Variants in HPSE2 observed in about 807,000 individuals in gnomAD.
The protein encoded by HPSE2 is heparanase 2 (inactive), also known as inactive heparanase-2.
HPSE2 carries 38 observed loss-of-function variants against 60.5 expected under a neutral mutation model. The ratio of observed to expected loss-of-function variants is 0.63; its 90% CI spans 0.48 to 0.82. HPSE2 has a LOEUF of 0.82. HPSE2 is among the 40% of genes least tolerant of loss of function. The pLI is 0.00. For synonymous variants in HPSE2, 295 were observed against 293.2 expected (o/e 1.01, Z -0.06); for missense variants, 713 against 740.4 (o/e 0.96, Z 0.43).
chr10:98,778,668 C>T (rs1314555282), intron 3 of HPSE2, among the ~76,000 whole-genome samples: 4 of 152,162 alleles, frequency 2.6e-5, no homozygotes, highest in Non-Finnish European at 4.4e-5. Context: ...CGAGGCAATG[C>T]ACACTTACAA....
intron 3 of HPSE2, among the ~76,000 whole-genome samples, chr10:99,096,761 G>C (rs1025881341): frequency 1.7e-4 from 26 of 151,594 alleles, no homozygotes; most frequent in Admixed American, 1.7e-3. Flanking sequence ...AAAGGTTTCC[G>C]CATACCCCTG....
chr10:98,503,835 T>A (rs1942106810), intron 9 of HPSE2, among the ~76,000 whole-genome samples: 1 of 152,190 alleles, frequency 6.6e-6, no homozygotes, highest in Non-Finnish European at 1.5e-5. Context: ...TAAGTATGGT[T>A]CAGTGGACTT....
At chr10:98,536,521 A>G (rs2133812763) in intron 9 of HPSE2, among the ~76,000 whole-genome samples, 1 of 152,322 alleles carries the variant, frequency 6.6e-6, no homozygotes, top group East Asian at 1.9e-4. Flanking sequence ...AGATAGGGAA[A>G]AAAGGGGAAG....
At chr10:98,629,155 G>A (rs950411605) in intron 7 of HPSE2, among the ~76,000 whole-genome samples, 1 of 152,174 alleles carries the variant, frequency 6.6e-6, no homozygotes, top group Non-Finnish European at 1.5e-5. Flanking sequence ...GAGAAAGGAA[G>A]CAATAAAACA....
chr10:99,290,588 G>A, the HPSE2 span, among the ~76,000 whole-genome samples: 1 of 129,816 alleles, frequency 7.7e-6, no homozygotes, highest in Non-Finnish European at 1.6e-5. Flanking sequence ...CAGACCAGGT[G>A]GTTCTTATGT....
the HPSE2 span, among the ~76,000 whole-genome samples, chr10:99,305,962 C>T: frequency 0.027 from 821 of 29,978 alleles, 13 homozygotes; most frequent in African/African-American, 0.044. Context: ...CTCACACACA[C>T]GCGCGCGCGC....
intron 9 of HPSE2, among the ~76,000 whole-genome samples, chr10:98,582,818 G>A (rs893063538): frequency 3.3e-5 from 5 of 152,040 alleles, no homozygotes; most frequent in African/African-American, 4.8e-5. Flanking sequence ...GTCTACAGTA[G>A]TGTAACCATC....
intron 3 of HPSE2, among the ~76,000 whole-genome samples, chr10:99,094,357 G>C (rs1458282125): frequency 1.3e-5 from 2 of 150,598 alleles, no homozygotes; most frequent in African/African-American, 4.9e-5. Flanking sequence ...TACTTAAAAA[G>C]GTTTATCTTC....
intron 3 of HPSE2, among the ~76,000 whole-genome samples, chr10:98,853,392 C>A (rs1342412387): frequency 6.6e-6 from 1 of 152,160 alleles, no homozygotes; most frequent in African/African-American, 2.4e-5. Context: ...GTTATAATCC[C>A]AGTTCTCCCA....
chr10:98,459,259 C>T lies in HPSE2; in HGVS notation c.*315G>A, dbSNP rs1940173727. The stretch of plus-strand genomic sequence containing the variant: ...AGGATCATGGGGAGTTGTCTGGAAA[C>T]ATTTCTCCTGGGAGTGTGCTGTCAG... On this transcript the variant is annotated 3_prime_UTR_variant, in exon 12 of 12. Coordinates refer to ENST00000370552, the MANE Select transcript of HPSE2 (RefSeq NM_021828.5). 2.6e-6 allele frequency: 1 copy of T among 383,692 alleles called. No homozygotes were observed. The highest frequency in any genetic ancestry group is 5.0e-6 in the Non-Finnish European group (1 of 201,352). 23.8% of individuals were successfully genotyped at this position (383,692 alleles called of 1,614,324 possible).
In HPSE2 at chr10:98,620,785, C is replaced by CT; in HGVS notation, c.1099-78dup. 7.3e-6 allele frequency: 7 copies of CT among 957,956 alleles called. No homozygotes were observed. The South Asian group carries it at 9.6e-5, about 13-fold the overall frequency. 59.3% of individuals were successfully genotyped at this position (957,956 alleles called of 1,614,324 possible). On this transcript the variant is annotated intron_variant, in intron 7 of 11. Transcript: ENST00000370552. ...CCACATGAGAAGAAACACACATTCCCTTAAGGAAGTTGATCTGATTTCCTG... is the reference window on the plus strand; with the variant it reads ...CCACATGAGAAGAAACACACATTCCCTTTAAGGAAGTTGATCTGATTTCCTG...
the HPSE2 span, among the ~76,000 whole-genome samples, chr10:99,298,407 C>A: frequency 6.6e-6 from 1 of 152,180 alleles, no homozygotes; most frequent in African/African-American, 2.4e-5. Context: ...TTGTAGTGAC[C>A]CTTACTAGAC....
At chr10:98,803,468 G>A (rs1405890786) in intron 3 of HPSE2, among the ~76,000 whole-genome samples, 4 of 151,450 alleles carry the variant, frequency 2.6e-5, no homozygotes, top group African/African-American at 7.3e-5. Context: ...TAACGTTTAA[G>A]TCTTTAATCC....
At chr10:98,568,784 T>C (rs1564975636) in intron 9 of HPSE2, among the ~76,000 whole-genome samples, 1 of 152,194 alleles carries the variant, frequency 6.6e-6, no homozygotes, top group African/African-American at 2.4e-5. Context: ...GACTTGAAGA[T>C]TAATGAGTCA....
At chr10:99,159,956 C>A (rs1846755873) in intron 2 of HPSE2, among the ~76,000 whole-genome samples, 1 of 151,976 alleles carries the variant, frequency 6.6e-6, no homozygotes, top group South Asian at 2.1e-4. Flanking sequence ...GCCTGGCCAA[C>A]ATGGTGAAAC....
the HPSE2 span, among the ~76,000 whole-genome samples, chr10:99,269,564 C>G: frequency 6.6e-5 from 10 of 152,126 alleles, no homozygotes; most frequent in Admixed American, 6.5e-4. Flanking sequence ...AGAAAGTCAA[C>G]AAAGAAACAA....
intron 3 of HPSE2, among the ~76,000 whole-genome samples, chr10:99,027,341 T>C (rs1957400524): frequency 6.7e-6 from 1 of 148,532 alleles, no homozygotes; most frequent in South Asian, 2.1e-4. Context: ...TATGAGTAAC[T>C]ATATACCAAT....
intron 4 of HPSE2, among the ~76,000 whole-genome samples, chr10:98,732,099 T>C (rs1024745287): frequency 2.0e-5 from 3 of 152,144 alleles, no homozygotes; most frequent in African/African-American, 4.8e-5. Context: ...ACAAAACTTA[T>C]ACACTGAAAA....
intron 3 of HPSE2, among the ~76,000 whole-genome samples, chr10:98,962,998 CTG>C (rs1432310283): frequency 6.6e-6 from 1 of 152,160 alleles, no homozygotes; most frequent in African/African-American, 2.4e-5. Flanking sequence ...AGCACATTCT[CTG>C]TGAATGTTTG....
Sources: gnomAD v4.1 joint callset for allele counts (sites outside exome capture counted in the v4.1 genomes callset) on GRCh38, gnomAD v4.1.1 for gene constraint, MANE v1.5 for transcripts, NCBI Gene and HGNC (gene_info 2026-07-23, HGNC 2026-07-21) for gene names.